Variants in NPAS3 observed in about 807,000 individuals in gnomAD.
NPAS3 encodes neuronal PAS domain-containing protein 3.
NPAS3 carries 14 observed loss-of-function variants against 73.1 expected under a neutral mutation model. That is an observed-to-expected ratio of 0.19 (90% CI 0.13 to 0.30). NPAS3 has a LOEUF of 0.30. NPAS3 is among the 10% of genes least tolerant of loss of function. NPAS3 has a pLI of 1.00. For synonymous variants in NPAS3, 620 were observed against 541.5 expected (o/e 1.14, Z -2.01); for missense variants, 1,096 against 1,250.0 (o/e 0.88, Z 1.86).
intron 1 of NPAS3, among the ~76,000 whole-genome samples, chr14:33,003,826 G>A (rs1346550110): frequency 2.0e-5 from 3 of 152,282 alleles, no homozygotes; most frequent in Non-Finnish European, 2.9e-5. Flanking sequence ...TCGGGTTAAG[G>A]CAGTTTGATA....
intron 4 of NPAS3, among the ~76,000 whole-genome samples, chr14:33,555,843 G>T (rs1015271102): frequency 9.2e-5 from 14 of 152,114 alleles, no homozygotes; most frequent in Middle Eastern, 3.4e-3. Context: ...TGACTAAAAT[G>T]ATAAGCATAA....
chr14:33,705,086 T>A (rs568797220), intron 6 of NPAS3, among the ~76,000 whole-genome samples: 1 of 152,338 alleles, frequency 6.6e-6, no homozygotes, highest in African/African-American at 2.4e-5. Context: ...AGCGCCCTCA[T>A]TTTTATTTGT....
At chr14:33,644,384 C>G (rs528614290) in intron 5 of NPAS3, among the ~76,000 whole-genome samples, 5 of 152,254 alleles carry the variant, frequency 3.3e-5, no homozygotes, top group African/African-American at 1.2e-4. Flanking sequence ...AAACTTGAAG[C>G]GTTAGAGTTA....
chr14:33,399,071 G>A (rs1260447225), intron 4 of NPAS3, among the ~76,000 whole-genome samples: 3 of 152,166 alleles, frequency 2.0e-5, no homozygotes, highest in Admixed American at 1.3e-4. Context: ...TATTATTGAG[G>A]TTGGTTATGA....
chr14:33,042,237 T>C (rs963598308), intron 1 of NPAS3, among the ~76,000 whole-genome samples: 20 of 152,118 alleles, frequency 1.3e-4, no homozygotes, highest in Non-Finnish European at 2.6e-4. Context: ...TCAGTGCACC[T>C]CTGGGGATAT....
chr14:32,985,065 C>G (rs902238549), intron 1 of NPAS3, among the ~76,000 whole-genome samples: 2 of 152,058 alleles, frequency 1.3e-5, no homozygotes, highest in African/African-American at 4.8e-5. Context: ...ACTGGGAGTT[C>G]TTTAAATTGT....
intron 7 of NPAS3, among the ~76,000 whole-genome samples, chr14:33,737,898 A>G (rs1199867350): frequency 6.6e-6 from 1 of 152,210 alleles, no homozygotes; most frequent in Non-Finnish European, 1.5e-5. Context: ...TGACCATTGT[A>G]TGCATCTTTT....
chr14:32,981,694 A>G (rs1279212), intron 1 of NPAS3, among the ~76,000 whole-genome samples: 30,886 of 152,116 alleles, frequency 0.2, 3,217 homozygotes, highest in African/African-American at 0.26. Context: ...TATCACATAG[A>G]TGTGTCTCGA....
At chr14:33,791,529 C>A (rs1018711183) in intron 9 of NPAS3, among the ~76,000 whole-genome samples, 1 of 152,210 alleles carries the variant, frequency 6.6e-6, no homozygotes, top group African/African-American at 2.4e-5. Context: ...GGTCCCTTAG[C>A]AAAGAAGCCT....
At chr14:33,735,413 G>A (rs2061498358) in intron 7 of NPAS3, 81 bp downstream of exon 7, 1 of 964,712 alleles carries the variant, frequency 1.0e-6, no homozygotes, top group Non-Finnish European at 1.7e-6. Context: ...AGCTGCTTTA[G>A]GTCCATATAA....
intron 1 of NPAS3, among the ~76,000 whole-genome samples, chr14:33,037,481 CAAAAAAAAAAAAAGA>C (rs1339293880): frequency 2.0e-4 from 19 of 97,000 alleles, no homozygotes; most frequent in Non-Finnish European, 2.6e-4. Flanking sequence ...CCCATCTCAG[CAAAAAAAAAAAAAGA>C]AAAAAGAAAA....
At chr14:33,575,027 G>A (rs1386591689) in intron 5 of NPAS3, among the ~76,000 whole-genome samples, 2 of 152,300 alleles carry the variant, frequency 1.3e-5, no homozygotes, top group African/African-American at 4.8e-5. Flanking sequence ...AAAGCTCAAA[G>A]CAGGAAAGGC....
At chr14:33,360,734 C>A (rs1289017386) in intron 3 of NPAS3, among the ~76,000 whole-genome samples, 3 of 152,128 alleles carry the variant, frequency 2.0e-5, no homozygotes, top group Non-Finnish European at 4.4e-5. Context: ...AAATTAGTAA[C>A]AGCACTTTTG....
intron 4 of NPAS3, among the ~76,000 whole-genome samples, chr14:33,421,133 G>A (rs2048343789): frequency 6.6e-6 from 1 of 151,818 alleles, no homozygotes; most frequent in African/African-American, 2.4e-5. Flanking sequence ...GCCTCAAGGA[G>A]ACGCTGGATT....
chr14:33,155,325 T>C (rs1282992141), intron 2 of NPAS3, among the ~76,000 whole-genome samples: 2 of 152,238 alleles, frequency 1.3e-5, no homozygotes, highest in African/African-American at 4.8e-5. Flanking sequence ...CTCTCCTTTG[T>C]AACCATTTCC....
At chr14:33,520,005 C>T (rs1306819806) in intron 4 of NPAS3, among the ~76,000 whole-genome samples, 1 of 152,098 alleles carries the variant, frequency 6.6e-6, no homozygotes, top group Non-Finnish European at 1.5e-5. Flanking sequence ...TCTGAAGCCT[C>T]ACCCCCACCC....
chr14:32,989,573 G>A (rs112293722), intron 1 of NPAS3, among the ~76,000 whole-genome samples: 3 of 152,008 alleles, frequency 2.0e-5, no homozygotes, highest in Middle Eastern at 3.2e-3. Flanking sequence ...GAACCCCAGG[G>A]GGCGGAGCCT....
chr14:33,089,129 A>G (rs1566548408), intron 2 of NPAS3, among the ~76,000 whole-genome samples: 1 of 152,204 alleles, frequency 6.6e-6, no homozygotes, highest in Non-Finnish European at 1.5e-5. Flanking sequence ...CTCGCCAGCA[A>G]TGGAACAAAC....
intron 6 of NPAS3, among the ~76,000 whole-genome samples, chr14:33,693,285 T>TA (rs2060283434): frequency 6.6e-6 from 1 of 152,216 alleles, no homozygotes; most frequent in South Asian, 2.1e-4. Context: ...AATCAACTGT[T>TA]ATGACCAATC....
Sources: gnomAD v4.1 joint callset for allele counts (sites outside exome capture counted in the v4.1 genomes callset) on GRCh38, gnomAD v4.1.1 for gene constraint, MANE v1.5 for transcripts, NCBI Gene and HGNC (gene_info 2026-07-23, HGNC 2026-07-21) for gene names.